Variants in INTS2 observed in about 807,000 individuals in gnomAD.
The protein encoded by INTS2 is integrator complex subunit 2, also known as KIAA1287.
INTS2 carries 57 observed loss-of-function variants against 139.6 expected under a neutral mutation model. The ratio of observed to expected loss-of-function variants is 0.41; its 90% CI spans 0.33 to 0.51. The LOEUF is 0.51. Among genes scored for constraint, INTS2 ranks in the 20% least tolerant of loss-of-function variants. The probability of loss-of-function intolerance (pLI) is 0.28; values close to 1 mark genes in which losing one functional copy is unlikely to be tolerated. For missense variants in INTS2, 1,196 were observed against 1,436.7 expected (o/e 0.83, Z 2.71); for synonymous variants, 473 against 493.4 (o/e 0.96, Z 0.55).
chr17:61,889,977 T>C (rs1251719613), intron 14 of INTS2, 83 bp from the exon 15 acceptor site: 3 of 805,736 alleles, frequency 3.7e-6, no homozygotes, highest in Non-Finnish European at 6.2e-6. Context: ...AGAATCAAAA[T>C]AGACTATTCA....
Position 61,876,500 on chromosome 17 carries a change from A to T in INTS2, c.2456+1387T>A, listed in dbSNP as rs1005960375. On this transcript the variant is annotated intron_variant, in intron 18 of 24. Coordinates refer to ENST00000251334, the MANE Select transcript of INTS2 (RefSeq NM_001351695.2). The surrounding 1 kb of genome is among the most constrained non-coding windows in gnomAD (Gnocchi z 4.1). The stretch of plus-strand genomic sequence containing the variant: ...TTTTTTGAGACAGGGTTTCAGTGGC[A>T]CGATCTCACCTCACTGAAGCCTCCA... 3.0e-4 allele frequency among the ~76,000 whole-genome samples: 46 copies of T among 151,866 alleles called. No individual in the cohort carries two copies. The highest frequency in any genetic ancestry group is 1.1e-3 in the African/African-American group (45 of 41,360).
At chr17:61,874,827 T>A in intron 19 of INTS2, 86 bp downstream of exon 19, 1 of 1,134,726 alleles carries the variant, frequency 8.8e-7, no homozygotes, top group East Asian at 3.0e-5. Flanking sequence ...AAAATTAAAA[T>A]ATAAGTTTAA....
chr17:61,880,304 C>A (rs1420923086), intron 17 of INTS2, among the ~76,000 whole-genome samples: 1 of 152,130 alleles, frequency 6.6e-6, no homozygotes, highest in Non-Finnish European at 1.5e-5. Context: ...CCTCGGCCTT[C>A]CAAAGTGCTG....
At chr17:61,896,357 T>C (rs1323777431) in intron 11 of INTS2, among the ~76,000 whole-genome samples, 1 of 151,980 alleles carries the variant, frequency 6.6e-6, no homozygotes, top group Non-Finnish European at 1.5e-5. Flanking sequence ...TTATAACATA[T>C]TGAACTCTCC....
chr17:61,881,483 G>A (rs925595924), intron 16 of INTS2, among the ~76,000 whole-genome samples: 15 of 152,162 alleles, frequency 9.9e-5, no homozygotes, highest in African/African-American at 3.4e-4. Flanking sequence ...TGTAATCCCA[G>A]CTACTCAGGA....
At chr17:61,912,256 A>C (rs2079533832) in intron 5 of INTS2, among the ~76,000 whole-genome samples, 186 bp from the exon 6 acceptor site, 1 of 152,018 alleles carries the variant, frequency 6.6e-6, no homozygotes, top group Non-Finnish European at 1.5e-5. Flanking sequence ...ACATTCAAAC[A>C]CACTTGCAAT....
At position 61,875,181 on chromosome 17, in the gene INTS2, C is replaced by T; in HGVS notation, c.2457-143G>A. ...ATGAACTTTGAAAAAATTTAAGCTA[C>T]AGACATCTAACCTATTAAAATATCT... is the stretch of plus-strand genomic sequence containing the variant. On this transcript the variant is annotated intron_variant, in intron 18 of 24. Coordinates refer to ENST00000251334, the MANE Select transcript of INTS2 (RefSeq NM_001351695.2). The surrounding 1 kb of genome is among the most constrained non-coding windows in gnomAD (Gnocchi z 4.6). 1.9e-6 allele frequency: 1 copy of T among 523,468 alleles called. No homozygotes were observed. The highest frequency in any genetic ancestry group is 3.2e-6 in the Non-Finnish European group (1 of 315,236). 32.4% of individuals were successfully genotyped at this position (523,468 alleles called of 1,614,324 possible).
At chr17:61,921,515 C>A (rs1008939852) in intron 4 of INTS2, among the ~76,000 whole-genome samples, 7 of 152,096 alleles carry the variant, frequency 4.6e-5, no homozygotes, top group African/African-American at 9.7e-5. Flanking sequence ...ATCAAAGATA[C>A]CATGTTAATG....
intron 18 of INTS2, among the ~76,000 whole-genome samples, chr17:61,877,640 C>T (rs1343096522): frequency 2.6e-5 from 4 of 152,184 alleles, no homozygotes; most frequent in African/African-American, 4.8e-5. Flanking sequence ...AATAACTATA[C>T]ATGATAACCC....
At position 61,927,907 on chromosome 17, in the gene INTS2, G is replaced by C; in HGVS notation, c.-272C>G. On this transcript the variant is annotated 5_prime_UTR_variant, in exon 1 of 25. Coordinates refer to ENST00000251334, the MANE Select transcript of INTS2 (RefSeq NM_001351695.2). ...CCGGGACTGTAGGAACGGAAAAGCG[G>C]GAGACTTTTTCAACCTGCACCCAGC... 6.2e-7 allele frequency: 1 copy of C among 1,613,930 alleles called. No homozygotes were observed. Among genetic ancestry groups the C allele is most frequent in the Non-Finnish European group, 8.5e-7 (1 of 1,179,890 alleles).
rs780136499 is a variant in INTS2, at chr17:61,867,609, C to T, written c.3539G>A (p.Cys1180Tyr). 1 of 1,610,878 alleles carries T rather than the reference C, an allele frequency of 6.2e-7. No individual in the cohort carries two copies. The highest frequency in any genetic ancestry group is 2.2e-5 in the East Asian group (1 of 44,838). Residue 1180 changes from cysteine (C) to tyrosine (Y), a missense_variant, in exon 25 of 25, where the codon TGT (cysteine) becomes TAT (tyrosine). By Grantham distance (194) the Cys-to-Tyr change is radical. This residue lies in a region of INTS2 where 1,129 missense variants were observed against 1,341.9 expected (regional missense o/e 0.84). Coordinates refer to ENST00000251334, the MANE Select transcript of INTS2 (RefSeq NM_001351695.2). The surrounding 1 kb of genome is among the most constrained non-coding windows in gnomAD (Gnocchi z 5.6). ...TATTTCAATTACTGTTCTTTCAATA[C>T]AGTGACAGAGCTGTACATCAGGATC... is the stretch of plus-strand genomic sequence containing the variant. ...SMDPDVQLCH[C>Y]IERTVIEIIN...
chr17:61,907,972 A>G (rs981815232), intron 7 of INTS2, among the ~76,000 whole-genome samples: 1 of 152,238 alleles, frequency 6.6e-6, no homozygotes, highest in African/African-American at 2.4e-5. Flanking sequence ...TTGAAGACGT[A>G]AGTTCTTGGG....
At chr17:61,924,354 C>T (rs2079685342) in intron 3 of INTS2, among the ~76,000 whole-genome samples, 1 of 152,148 alleles carries the variant, frequency 6.6e-6, no homozygotes, top group South Asian at 2.1e-4. Context: ...AGATAAATCC[C>T]TTTCTAAATG....
rs1480865189 is a variant in INTS2 at position 61,872,045 on chromosome 17, A to G, written c.2778+220T>C. On this transcript the variant is annotated intron_variant, in intron 20 of 24. Transcript: ENST00000251334. This position sits in a 1 kb window ranked among gnomAD's most constrained non-coding sequence, Gnocchi z 4.8. Reference sequence around the variant, plus strand: ...AAATATAAATCTTATTTAAATGGCTATTTCATTCATATCATGAAGATTATT... The same window carrying G: ...AAATATAAATCTTATTTAAATGGCTGTTTCATTCATATCATGAAGATTATT... 2 of 388,380 alleles carry G rather than the reference A, an allele frequency of 5.1e-6. No homozygotes were observed. Among genetic ancestry groups the G allele is most frequent in the Non-Finnish European group, 9.1e-6 (2 of 219,736 alleles). The allele number at this position is 388,380 out of a possible 1,614,324, so 24.1% of individuals were successfully genotyped here. A position where few individuals can be genotyped will look rare whatever the true frequency, so the allele number is the denominator to read the frequency against.
chr17:61,917,766 CT>C (rs1450732978), intron 5 of INTS2, among the ~76,000 whole-genome samples: 6 of 152,056 alleles, frequency 3.9e-5, no homozygotes, highest in South Asian at 4.2e-4. Context: ...ATGTACCCCC[CT>C]GAATCTAAAA....
rs975732308 is a variant in INTS2 at position 61,927,762 on chromosome 17, C to A, written c.-127G>T. Reference sequence around the variant, plus strand: ...GTCCGATGTTGGGCCTAGGCGATATCCGGAACCCCAAACCCTAGTTGTGCC... The same window carrying A: ...GTCCGATGTTGGGCCTAGGCGATATACGGAACCCCAAACCCTAGTTGTGCC... On this transcript the variant is annotated 5_prime_UTR_variant, in exon 1 of 25. Coordinates refer to ENST00000251334, the MANE Select transcript of INTS2 (RefSeq NM_001351695.2). 8 of 1,548,420 alleles carry A rather than the reference C, an allele frequency of 5.2e-6. No individual in the cohort carries two copies. In the Admixed American group the frequency reaches 1.4e-4, roughly 26 times the overall value.
rs767960350 is a variant in INTS2 at position 61,869,017 on chromosome 17, G to A, written c.3244+17C>T. 1.2e-5 allele frequency: 16 copies of A among 1,384,692 alleles called. No homozygotes were observed. The African/African-American group carries it at 2.2e-4, about 19-fold the overall frequency. 85.8% of individuals were successfully genotyped at this position (1,384,692 alleles called of 1,614,324 possible). A position where few individuals can be genotyped will look rare whatever the true frequency, so the allele number is the denominator to read the frequency against. The stretch of plus-strand genomic sequence containing the variant: ...TAATTTATGTCAGATGTTTGTTGAT[G>A]TTGATTGGCTACATACCTGTTAACA... On this transcript the variant is annotated intron_variant, in intron 23 of 24. Transcript: ENST00000251334. This position sits in a 1 kb window ranked among gnomAD's most constrained non-coding sequence, Gnocchi z 5.4.
intron 15 of INTS2, among the ~76,000 whole-genome samples, chr17:61,888,023 G>A (rs1252643121): frequency 1.3e-5 from 2 of 151,976 alleles, no homozygotes. Flanking sequence ...CTGCATTCCA[G>A]CCTGGGTGAC....
At chr17:61,905,568 C>G (rs1205666645) in intron 8 of INTS2, among the ~76,000 whole-genome samples, 2 of 152,232 alleles carry the variant, frequency 1.3e-5, no homozygotes, top group Admixed American at 6.5e-5. Context: ...CTCACTGATC[C>G]ACAAGCCTTG....
Sources: allele counts gnomAD v4.1 joint callset (sites outside exome capture counted in the v4.1 genomes callset), GRCh38; gene constraint gnomAD v4.1.1; regional missense constraint gnomAD v4.1.1; non-coding constraint Gnocchi (gnomAD v3.1); transcripts MANE v1.5; gene names NCBI Gene and HGNC (gene_info 2026-07-23, HGNC 2026-07-21).